Variants in ARHGAP15 observed in about 807,000 individuals in gnomAD.
ARHGAP15 encodes the protein rho GTPase-activating protein 15.
A neutral mutation model predicts 63.7 loss-of-function variants in ARHGAP15; 51 were observed. The observed-to-expected ratio is 0.80, with a 90% CI of 0.64 to 1.01. ARHGAP15 has a LOEUF of 1.01. Among genes scored for constraint, ARHGAP15 ranks in the 50% least tolerant of loss-of-function variants. The probability of loss-of-function intolerance (pLI) is 0.00; values close to 1 mark genes in which losing one functional copy is unlikely to be tolerated. For synonymous variants in ARHGAP15, 191 were observed against 193.8 expected, an observed-to-expected ratio of 0.99 and a Z score of 0.12; for missense variants, 560 against 564.6, an observed-to-expected ratio of 0.99 and a Z score of 0.08.
At chr2:143,366,207 C>A (rs1401070948) in intron 6 of ARHGAP15, among the ~76,000 whole-genome samples, 1 of 151,700 alleles carries the variant, frequency 6.6e-6, no homozygotes, top group Non-Finnish European at 1.5e-5. Flanking sequence ...ATTAAATATG[C>A]TATTTTTTCA....
rs149450363 is a variant in ARHGAP15, at chr2:143,466,799, T to C, written c.704-20574T>C. 1.4e-3 allele frequency among the ~76,000 whole-genome samples: 208 copies of C among 152,160 alleles called. 1 individual carries two copies. Among genetic ancestry groups the C allele is most frequent in the Non-Finnish European group, 2.4e-3 (160 of 67,958 alleles). ...TGGTTGATGCCACCCTACAAGACCA[T>C]ATTTTGAGTAAAAAGGACCAGTTTA... On this transcript the variant is annotated intron_variant, in intron 8 of 13. Coordinates refer to ENST00000295095, the MANE Select transcript of ARHGAP15 (RefSeq NM_018460.4).
rs528704163 is a variant in ARHGAP15, at chr2:143,291,579, A to G, written c.474+40979A>G. On this transcript the variant is annotated intron_variant, in intron 6 of 13. Coordinates refer to ENST00000295095, the MANE Select transcript of ARHGAP15 (RefSeq NM_018460.4). Reference sequence around the variant, plus strand: ...ATTACCAGGTGGGTTCTCTTCAGAGAACCCCAACAGCAGGCCAGGAGGCAG... The same window carrying G: ...ATTACCAGGTGGGTTCTCTTCAGAGGACCCCAACAGCAGGCCAGGAGGCAG... Among the ~76,000 whole-genome samples the G allele has an allele frequency of 5.1e-4, 78 of 152,202 alleles. 1 individual carries two copies. Among genetic ancestry groups the G allele is most frequent in the African/African-American group, 1.8e-3 (73 of 41,542 alleles).
At chr2:143,533,006 A>G (rs910965731) in intron 10 of ARHGAP15, among the ~76,000 whole-genome samples, 1 of 152,208 alleles carries the variant, frequency 6.6e-6, no homozygotes, top group Admixed American at 6.5e-5. Flanking sequence ...CGACTATTTT[A>G]TGAACAACAA....
intron 6 of ARHGAP15, among the ~76,000 whole-genome samples, chr2:143,408,804 A>G (rs1688322463): frequency 6.6e-6 from 1 of 151,916 alleles, no homozygotes; most frequent in East Asian, 1.9e-4. Flanking sequence ...GAAAATATCA[A>G]ACTTCAGTAT....
rs1183935747 is a variant in ARHGAP15 at position 143,587,951 on chromosome 2, C to T, written c.1003+31466C>T. On this transcript the variant is annotated intron_variant, in intron 11 of 13. Transcript: ENST00000295095. The stretch of plus-strand genomic sequence containing the variant: ...ATCAAAAGCCTTTCTCTTAACTGGA[C>T]TCACCTTCCTTAGAAGACGATTTAA... 4.3e-5 allele frequency: 9 copies of T among 208,794 alleles called. No individual in the cohort carries two copies. The South Asian group carries it at 5.1e-4, about 12-fold the overall frequency. 12.9% of individuals were successfully genotyped at this position (208,794 alleles called of 1,614,324 possible).
intron 6 of ARHGAP15, among the ~76,000 whole-genome samples, chr2:143,428,137 GAATA>G (rs1689212334): frequency 1.3e-5 from 2 of 151,964 alleles, no homozygotes. Flanking sequence ...GCACTTGGGG[GAATA>G]TCTATTTCAA....
At chr2:143,661,571 C>A (rs1460845525) in intron 12 of ARHGAP15, among the ~76,000 whole-genome samples, 1 of 152,024 alleles carries the variant, frequency 6.6e-6, no homozygotes, top group Non-Finnish European at 1.5e-5. Flanking sequence ...TCGGGAGGAG[C>A]CAAGATGGCC....
chr2:143,609,089 G>A (rs1428415657), intron 11 of ARHGAP15, among the ~76,000 whole-genome samples: 1 of 152,064 alleles, frequency 6.6e-6, no homozygotes, highest in Non-Finnish European at 1.5e-5. Flanking sequence ...CTTCTGTTTT[G>A]GCTGTATGTG....
chr2:143,218,845 T>C (rs1692874683), intron 4 of ARHGAP15, among the ~76,000 whole-genome samples: 1 of 152,188 alleles, frequency 6.6e-6, no homozygotes, highest in Admixed American at 6.5e-5. Flanking sequence ...TAGGTGATTG[T>C]AACATAATGG....
intron 6 of ARHGAP15, among the ~76,000 whole-genome samples, chr2:143,416,003 A>T (rs756384352): frequency 6.6e-6 from 1 of 152,080 alleles, no homozygotes; most frequent in East Asian, 1.9e-4. Context: ...TAAGGCATAA[A>T]AGACTACAAA....
chr2:143,615,609 T>A (rs903216032), intron 11 of ARHGAP15, among the ~76,000 whole-genome samples: 9 of 152,196 alleles, frequency 5.9e-5, no homozygotes, highest in Non-Finnish European at 7.4e-5. Context: ...ACATATTATC[T>A]GTATATGGGA....
At chr2:143,251,716 A>C (rs1205145878) in intron 6 of ARHGAP15, among the ~76,000 whole-genome samples, 1 of 152,086 alleles carries the variant, frequency 6.6e-6, no homozygotes, top group Non-Finnish European at 1.5e-5. Context: ...ATTAAAAATA[A>C]AATTTAAAAA....
At chr2:143,724,051 ATGTGTGTG>A (rs70982882) in intron 13 of ARHGAP15, among the ~76,000 whole-genome samples, 23 of 149,964 alleles carry the variant, frequency 1.5e-4, no homozygotes, top group Non-Finnish European at 2.8e-4. Context: ...ATCCACCTTC[ATGTGTGTG>A]TGTGTGTGTG....
chr2:143,273,808 C>T (rs1681415389), intron 6 of ARHGAP15, among the ~76,000 whole-genome samples: 1 of 152,082 alleles, frequency 6.6e-6, no homozygotes, highest in Non-Finnish European at 1.5e-5. Flanking sequence ...TATAAAACTT[C>T]ATCCAGTTAG....
At chr2:143,309,507 G>A (rs1189331805) in intron 6 of ARHGAP15, among the ~76,000 whole-genome samples, 1 of 152,062 alleles carries the variant, frequency 6.6e-6, no homozygotes, top group African/African-American at 2.4e-5. Context: ...ACAGGGCCTA[G>A]TACATCGGAT....
At chr2:143,566,922 C>T (rs1015677032) in intron 11 of ARHGAP15, among the ~76,000 whole-genome samples, 1 of 151,374 alleles carries the variant, frequency 6.6e-6, no homozygotes, top group African/African-American at 2.4e-5. Flanking sequence ...GAGTCTCGCT[C>T]TGTCGCCCAG....
chr2:143,619,190 G>A (rs886777309), intron 11 of ARHGAP15, among the ~76,000 whole-genome samples: 5 of 152,046 alleles, frequency 3.3e-5, no homozygotes, highest in Non-Finnish European at 5.9e-5. Context: ...GCTATCAAAG[G>A]TTCATCTTTC....
At chr2:143,320,406 CCA>C (rs1359094093) in intron 6 of ARHGAP15, among the ~76,000 whole-genome samples, 1,296 of 21,594 alleles carry the variant, frequency 0.06, 7 homozygotes, top group Non-Finnish European at 0.11. Context: ...CAGGACTTCC[CCA>C]CCCCCCCCCC....
intron 12 of ARHGAP15, among the ~76,000 whole-genome samples, chr2:143,696,058 G>A (rs1251494807): frequency 6.6e-6 from 1 of 152,090 alleles, no homozygotes; most frequent in Admixed American, 6.6e-5. Context: ...TCCAGAAATT[G>A]ATTAAATAGA....
Sources: gnomAD v4.1 joint callset for allele counts (sites outside exome capture counted in the v4.1 genomes callset) on GRCh38, gnomAD v4.1.1 for gene constraint, MANE v1.5 for transcripts, NCBI Gene and HGNC (gene_info 2026-07-23, HGNC 2026-07-21) for gene names.